Variants in VASN observed in about 807,000 individuals in gnomAD.
VASN encodes vasorin, also known as protein slit-like 2.
Under a neutral mutation model 4.8 loss-of-function variants are expected in VASN, and 5 were observed. That is an observed-to-expected ratio of 1.03 (90% confidence interval 0.54 to 2.17). The LOEUF (loss-of-function observed/expected upper bound fraction) is 2.17, where lower values mean the gene tolerates loss of function less well. VASN is among the 30% of genes most tolerant of loss of function. The probability of loss-of-function intolerance (pLI) is 0.01; values close to 1 mark genes in which losing one functional copy is unlikely to be tolerated. For missense variants in VASN, 927 were observed against 948.8 expected (o/e 0.98, Z 0.30); for synonymous variants, 499 against 460.8 (o/e 1.08, Z -1.06).
intron 1 of VASN, among the ~76,000 whole-genome samples, chr16:4,375,783 C>G (rs184942007): frequency 1.3e-5 from 2 of 152,210 alleles, no homozygotes; most frequent in South Asian, 4.1e-4. Context: ...CCACCATGCC[C>G]GGCAGAATTT....
In VASN at chr16:4,382,512, G is replaced by C. The variant is rs563669327; in HGVS notation, c.1635G>C (p.Glu545Asp). 1.0e-4 allele frequency: 165 copies of C among 1,592,204 alleles called. No individual in the cohort carries two copies. The highest frequency in any genetic ancestry group is 8.1e-4 in the Admixed American group (47 of 57,696). ...VMPLGPGRVPEGEEACGEAHT... is the reference protein window; with the variant it reads ...VMPLGPGRVPDGEEACGEAHT... ...CTTTGGGGCCCGGGCGGGTGCCGGA[G>C]GGCGAGGAGGCCTGCGGGGAGGCCC... Residue 545 changes from glutamate to aspartate, a missense_variant, in exon 2 of 2, where the codon GAG (glutamate) becomes GAC (aspartate). Physicochemically the swap from Glu to Asp is conservative, Grantham distance 45. Transcript: ENST00000304735.
In VASN at chr16:4,374,289, C is replaced by T. The variant is rs558090082; in HGVS notation, c.-10+2296C>T. Among the ~76,000 whole-genome samples the T allele has an allele frequency of 4.6e-5, 7 of 152,262 alleles. No individual in the cohort carries two copies. In the South Asian group the frequency reaches 8.3e-4, roughly 18 times the overall value. ...TTCCACATTCCAGAGTCAGCCGGAT[C>T]GCTTTCCCTCCGCGCTGGGCCGCCG... On this transcript the variant is annotated intron_variant, in intron 1 of 1. Transcript: ENST00000304735.
In VASN at chr16:4,382,354, A is replaced by G; in HGVS notation, c.1477A>G (p.Ser493Gly). The G allele has an allele frequency of 6.2e-7, 1 of 1,611,996 alleles. No homozygotes were observed. The change falls in exon 2 of 2, where the codon AGC becomes GGC. Residue 493 changes from serine (S) to glycine (G), a missense_variant. By Grantham distance (56) the Ser-to-Gly change is moderately conservative. Transcript: ENST00000304735. ...CCAGGGGAGCTCCGTGCAGCTCAGG[A>G]GCCTCCGTCTCACCTATCGCAACCT... ...YLQGSSVQLR[S>G]LRLTYRNLSG... is the part of the protein sequence containing the mutation.
In VASN at chr16:4,382,958, C is replaced by T. The variant is rs1300798284; in HGVS notation, c.*59C>T. The T allele has an allele frequency of 1.4e-6, 2 of 1,433,324 alleles. No homozygotes were observed. The highest frequency in any genetic ancestry group is 5.1e-5 in the East Asian group (2 of 38,896). The allele number at this position is 1,433,324 out of a possible 1,614,324, so 88.8% of individuals were successfully genotyped here. ...CTCAGCCAGTGAGATGGCCAGCCCC[C>T]TCCTGCTGCCACACCACGTAAGTTC... is the stretch of plus-strand genomic sequence containing the variant. On this transcript the variant is annotated 3_prime_UTR_variant, in exon 2 of 2. Transcript: ENST00000304735.
chr16:4,379,880 T>TAA lies in VASN; in HGVS notation c.-9-970_-9-969dup, dbSNP rs34020450. Among the ~76,000 whole-genome samples the TAA allele has an allele frequency of 7.6e-3, 825 of 109,150 alleles. 15 individuals carry two copies. Among genetic ancestry groups the TAA allele is most frequent in the South Asian group, 0.017 (53 of 3,206 alleles). 71.6% of individuals were successfully genotyped at this position (109,150 alleles called of 152,430 possible). ...CAACATGGTGAAACCCTGTCTCTAC[T>TAA]AAAAAAAAAAAAAAAAAAAATACAA... On this transcript the variant is annotated intron_variant, in intron 1 of 1. Coordinates refer to ENST00000304735, the MANE Select transcript of VASN (RefSeq NM_138440.3).
intron 1 of VASN, among the ~76,000 whole-genome samples, chr16:4,374,577 C>A (rs2054652285): frequency 6.6e-6 from 1 of 152,140 alleles, no homozygotes; most frequent in Non-Finnish European, 1.5e-5. Flanking sequence ...GCCGCTGGGG[C>A]CCCTGCTGGC....
At position 4,382,261 on chromosome 16, in the gene VASN, C is replaced by T. The variant is rs778825618; in HGVS notation, c.1384C>T (p.Arg462Trp). ...SPTPVTPRPP[R>W]SLTLGIEPVS... is the part of the protein sequence containing the mutation. Reference sequence around the variant, plus strand: ...TACACCAGTCACGCCGAGGCCACCACGGTCCCTGACCCTGGGCATCGAGCC... The same window carrying T: ...TACACCAGTCACGCCGAGGCCACCATGGTCCCTGACCCTGGGCATCGAGCC... The change falls in exon 2 of 2, where the codon CGG becomes TGG. Residue 462 changes from arginine (R) to tryptophan (W), a missense_variant. Physicochemically the swap from Arg to Trp is moderately radical, Grantham distance 101. Transcript: ENST00000304735. 3.3e-5 allele frequency: 53 copies of T among 1,608,032 alleles called. No homozygotes were observed. The highest frequency in any genetic ancestry group is 3.6e-5 in the Non-Finnish European group (43 of 1,178,374).
Position 4,382,254 on chromosome 16 carries a change from G to A in VASN, c.1377G>A (p.Arg459=), listed in dbSNP as rs777868325. The A allele has an allele frequency of 3.1e-6, 5 of 1,608,056 alleles. 1 individual carries two copies. In the South Asian group the frequency reaches 4.4e-5, roughly 14 times the overall value. ...CCAGCCCTACACCAGTCACGCCGAG[G>A]CCACCACGGTCCCTGACCCTGGGCA... The part of the protein sequence containing the change: ...TRPSPTPVTP[R]PPRSLTLGIE... Residue 459 remains arginine (R), a synonymous_variant, in exon 2 of 2, where the codon AGG becomes AGA. Coordinates refer to ENST00000304735, the MANE Select transcript of VASN (RefSeq NM_138440.3).
chr16:4,378,773 G>T (rs1012673042), intron 1 of VASN, among the ~76,000 whole-genome samples: 4 of 152,084 alleles, frequency 2.6e-5, no homozygotes, highest in African/African-American at 9.7e-5. Flanking sequence ...GGCAGGCTGG[G>T]TCTCACCTTA....
At chr16:4,378,556 G>A (rs537762839) in intron 1 of VASN, among the ~76,000 whole-genome samples, 3 of 152,268 alleles carry the variant, frequency 2.0e-5, no homozygotes, top group South Asian at 2.1e-4. Context: ...AGGGTGGAGC[G>A]GGTCCCATGG....
chr16:4,373,947 C>A (rs2054622063), intron 1 of VASN, among the ~76,000 whole-genome samples: 1 of 152,176 alleles, frequency 6.6e-6, no homozygotes, highest in African/African-American at 2.4e-5. Flanking sequence ...CTGTTAGTGA[C>A]CTCTCCTGGA....
At chr16:4,376,384 G>A (rs552853665) in intron 1 of VASN, among the ~76,000 whole-genome samples, 1 of 152,188 alleles carries the variant, frequency 6.6e-6, no homozygotes, top group Non-Finnish European at 1.5e-5. Flanking sequence ...GAGCCTTGGC[G>A]GGCCAGCATG....
intron 1 of VASN, among the ~76,000 whole-genome samples, chr16:4,372,866 C>T (rs1173781856): frequency 6.6e-6 from 1 of 152,156 alleles, no homozygotes; most frequent in African/African-American, 2.4e-5. Context: ...GTCTAGGTGT[C>T]CCCATGCCTG....
intron 1 of VASN, among the ~76,000 whole-genome samples, chr16:4,376,428 T>C (rs888971975): frequency 1.3e-5 from 2 of 152,186 alleles, no homozygotes; most frequent in African/African-American, 4.8e-5. Context: ...GGGTCAGACC[T>C]GCAGCGCCTG....
In VASN at chr16:4,382,632, GCTC is replaced by G; in HGVS notation, c.1758_1760del (p.Leu587del). 6.4e-7 allele frequency: 1 copy of G among 1,563,836 alleles called. No homozygotes were observed. Among genetic ancestry groups the G allele is most frequent in the Non-Finnish European group, 8.6e-7 (1 of 1,156,170 alleles). ...TCATTGCGCCCGCCCTGGCCGCGGT[GCTC>G]CTGGCCGCGCTGGCTGCGGTGGGGG... On this transcript the variant is annotated inframe_deletion, in exon 2 of 2. Transcript: ENST00000304735.
intron 1 of VASN, among the ~76,000 whole-genome samples, chr16:4,376,270 C>T (rs971806233): frequency 5.9e-5 from 9 of 152,326 alleles, no homozygotes; most frequent in East Asian, 1.9e-4. Context: ...GACACGTCAG[C>T]GAAACTGGAG....
intron 1 of VASN, among the ~76,000 whole-genome samples, chr16:4,374,388 G>A (rs1022649016): frequency 4.6e-5 from 7 of 152,126 alleles, no homozygotes; most frequent in South Asian, 2.1e-4. Context: ...AGGCCACCTC[G>A]GTTTTGGGCA....
chr16:4,372,283 C>G (rs1020608669), intron 1 of VASN, among the ~76,000 whole-genome samples: 4 of 152,338 alleles, frequency 2.6e-5, no homozygotes, highest in Admixed American at 2.6e-4. Context: ...CATGCTTCCT[C>G]CTCCCACGGC....
At chr16:4,378,821 G>A (rs1188459621) in intron 1 of VASN, among the ~76,000 whole-genome samples, 3 of 152,078 alleles carry the variant, frequency 2.0e-5, no homozygotes, top group Non-Finnish European at 4.4e-5. Flanking sequence ...GGGGGACACC[G>A]CTAGGTTGGG....
Sources: gnomAD v4.1 joint callset for allele counts (sites outside exome capture counted in the v4.1 genomes callset) on GRCh38, gnomAD v4.1.1 for gene constraint, MANE v1.5 for transcripts, NCBI Gene and HGNC (gene_info 2026-07-23, HGNC 2026-07-21) for gene names.